The following KCNMA1 variants were observed in gnomAD, a reference collection of about 807,000 sequenced individuals.
KCNMA1 encodes Calcium-activated potassium channel subunit alpha-1.
KCNMA1 carries 29 observed loss-of-function variants against 140.0 expected under a neutral mutation model. The ratio of observed to expected loss-of-function variants is 0.21; its 90% confidence interval spans 0.15 to 0.28. The LOEUF is 0.28. Among genes scored for constraint, KCNMA1 ranks in the 10% least tolerant of loss-of-function variants. The probability of loss-of-function intolerance (pLI) is 1.00; values close to 1 mark genes in which losing one functional copy is unlikely to be tolerated. For missense variants in KCNMA1, 880 were observed against 1,602.2 expected (o/e 0.55, Z 7.70); for synonymous variants, 612 against 611.9 (o/e 1.00, Z 0.00).
At chr10:77,167,864 G>A (rs981149785) in intron 5 of KCNMA1, among the ~76,000 whole-genome samples, 15 of 151,736 alleles carry the variant, frequency 9.9e-5, no homozygotes, top group African/African-American at 3.6e-4. Flanking sequence ...TGTATTTTTT[G>A]TAGAGATGGG....
intron 1 of KCNMA1, among the ~76,000 whole-genome samples, chr10:77,416,709 T>C (rs1254524186): frequency 1.3e-5 from 2 of 152,184 alleles, no homozygotes; most frequent in Non-Finnish European, 2.9e-5. Flanking sequence ...ATCACACACG[T>C]GTGCTTATTC....
chr10:77,157,538 AAAT>A (rs1420259049), intron 5 of KCNMA1, among the ~76,000 whole-genome samples: 2 of 151,998 alleles, frequency 1.3e-5, no homozygotes, highest in African/African-American at 4.8e-5. Flanking sequence ...TGAGTTTTTT[AAAT>A]AATAAAATAA....
chr10:77,341,188 C>T (rs1465487776), intron 2 of KCNMA1, among the ~76,000 whole-genome samples: 1 of 152,206 alleles, frequency 6.6e-6, no homozygotes, highest in Non-Finnish European at 1.5e-5. Context: ...TTGACAACAG[C>T]ACTTATCTCA....
chr10:76,974,838 T>C (rs2077022560), intron 19 of KCNMA1, among the ~76,000 whole-genome samples: 1 of 152,172 alleles, frequency 6.6e-6, no homozygotes, highest in South Asian at 2.1e-4. Context: ...TCCAAAAATA[T>C]ACTGAGTTCC....
intron 20 of KCNMA1, among the ~76,000 whole-genome samples, chr10:76,965,778 G>C (rs2073680007): frequency 6.6e-6 from 1 of 152,124 alleles, no homozygotes; most frequent in Non-Finnish European, 1.5e-5. Flanking sequence ...ACTACTTATA[G>C]AGTTGTAGTT....
chr10:76,994,131 A>G (rs1044914640), intron 19 of KCNMA1, among the ~76,000 whole-genome samples: 11 of 152,052 alleles, frequency 7.2e-5, no homozygotes, highest in Non-Finnish European at 1.5e-4. Flanking sequence ...AAGTCATGAG[A>G]CTGTGACATG....
At chr10:77,490,044 G>A (rs1327530164) in intron 1 of KCNMA1, among the ~76,000 whole-genome samples, 1 of 152,154 alleles carries the variant, frequency 6.6e-6, no homozygotes, top group Non-Finnish European at 1.5e-5. Context: ...TGTATTATAA[G>A]ATGAGCAGTG....
chr10:77,272,098 T>C (rs779538873), intron 2 of KCNMA1, among the ~76,000 whole-genome samples: 1 of 152,206 alleles, frequency 6.6e-6, no homozygotes, highest in Non-Finnish European at 1.5e-5. Context: ...CCCCTCACAC[T>C]GTTTCATTTC....
chr10:77,493,990 G>A (rs1357909947), intron 1 of KCNMA1: 1 of 152,304 alleles, frequency 6.6e-6, no homozygotes, highest in African/African-American at 2.4e-5. Flanking sequence ...GGTGAGCCCT[G>A]TGGGAATTTC....
chr10:77,542,496 G>A lies in KCNMA1; in HGVS notation c.378+94769C>T, dbSNP rs77674590. 1.9e-3 allele frequency among the ~76,000 whole-genome samples: 291 copies of A among 152,270 alleles called. 2 individuals carry two copies. Among genetic ancestry groups the A allele is most frequent in the Non-Finnish European group, 2.9e-3 (199 of 68,016 alleles). On this transcript the variant is annotated intron_variant, in intron 1 of 27. Coordinates refer to ENST00000286628, the MANE Select transcript of KCNMA1 (RefSeq NM_001161352.2). ...ACTTGGCTGATTGTTAGAACGCCTT[G>A]GAAGTTTTATAAAAATATAAATTTC...
intron 3 of KCNMA1, among the ~76,000 whole-genome samples, chr10:77,211,006 T>C (rs1181970095): frequency 6.6e-6 from 1 of 152,162 alleles, no homozygotes. Flanking sequence ...AATTTACAGA[T>C]TCAACACTAT....
intron 2 of KCNMA1, among the ~76,000 whole-genome samples, chr10:77,328,831 TTTTG>T (rs1470202734): frequency 1.3e-5 from 2 of 152,006 alleles, no homozygotes; most frequent in Non-Finnish European, 2.9e-5. Context: ...TATTTTTTGT[TTTTG>T]TTTTTGTTTT....
chr10:77,470,268 G>T (rs1027947383), intron 1 of KCNMA1, among the ~76,000 whole-genome samples: 1 of 152,130 alleles, frequency 6.6e-6, no homozygotes, highest in African/African-American at 2.4e-5. Flanking sequence ...CCCCACAAAT[G>T]ATTATGGGCT....
intron 1 of KCNMA1, among the ~76,000 whole-genome samples, chr10:77,471,194 C>T (rs568473449): frequency 6.8e-6 from 1 of 148,112 alleles, no homozygotes; most frequent in Non-Finnish European, 1.5e-5. Flanking sequence ...ACACACCACA[C>T]ATGCAACACA....
At chr10:77,056,383 TAATAATAATAATAAC>T (rs1277175852) in intron 14 of KCNMA1, among the ~76,000 whole-genome samples, 4 of 151,304 alleles carry the variant, frequency 2.6e-5, no homozygotes, top group African/African-American at 9.7e-5. Context: ...CCATCTCAAA[TAATAATAATAATAAC>T]AATAATAATA....
intron 1 of KCNMA1, among the ~76,000 whole-genome samples, chr10:77,619,991 C>T (rs1010355705): frequency 1.1e-4 from 16 of 152,142 alleles, no homozygotes; most frequent in African/African-American, 3.4e-4. Context: ...CTATGGACCA[C>T]GCCAGGTCAT....
intron 2 of KCNMA1, among the ~76,000 whole-genome samples, chr10:77,314,863 C>A (rs1018597505): frequency 6.6e-6 from 1 of 151,534 alleles, no homozygotes; most frequent in Non-Finnish European, 1.5e-5. Context: ...TGTTTTTGAC[C>A]ACAACCCTCA....
At chr10:77,572,664 G>T (rs573924531) in intron 1 of KCNMA1, among the ~76,000 whole-genome samples, 53 of 130,380 alleles carry the variant, frequency 4.1e-4, no homozygotes, top group Admixed American at 7.6e-4. Flanking sequence ...GCTGAGGCAG[G>T]ATAATCGCTT....
chr10:77,215,982 C>T (rs1181168212), intron 3 of KCNMA1, among the ~76,000 whole-genome samples: 1 of 152,014 alleles, frequency 6.6e-6, no homozygotes, highest in African/African-American at 2.4e-5. Context: ...TGGAAGAGAG[C>T]CCTCACCAGA....
Sources: gnomAD v4.1 joint callset for allele counts (sites outside exome capture counted in the v4.1 genomes callset) on GRCh38, gnomAD v4.1.1 for gene constraint, MANE v1.5 for transcripts, NCBI Gene and HGNC (gene_info 2026-07-23, HGNC 2026-07-21) for gene names.